DENND5B: variants seen among roughly 807,000 people sequenced by gnomAD.
DENND5B encodes the protein DENN domain-containing protein 5B.
A neutral mutation model predicts 140.6 loss-of-function variants in DENND5B; 34 were observed. That is an observed-to-expected ratio of 0.24 (90% CI 0.18 to 0.32). The LOEUF is 0.32. DENND5B is among the 10% of genes least tolerant of loss of function. The pLI is 1.00. For synonymous variants in DENND5B, 551 were observed against 562.1 expected (o/e 0.98, Z 0.28); for missense variants, 1,142 against 1,560.2 (o/e 0.73, Z 4.52).
chr12:31,443,012 A>G (rs1944106975), intron 6 of DENND5B, 87 bp from the exon 7 acceptor site: 1 of 1,266,274 alleles, frequency 7.9e-7, no homozygotes, highest in Non-Finnish European at 1.1e-6. Context: ...ACCTACAGAG[A>G]ACCCAATCAC....
At chr12:31,455,962 T>C (rs896383634) in intron 4 of DENND5B, among the ~76,000 whole-genome samples, 1 of 152,128 alleles carries the variant, frequency 6.6e-6, no homozygotes. Flanking sequence ...GAGGTTGCAG[T>C]GTGCCAAGAT....
chr12:31,545,950 CAAAAAAAAA>C (rs57460264), intron 1 of DENND5B, among the ~76,000 whole-genome samples: 3 of 36,384 alleles, frequency 8.2e-5, no homozygotes, highest in Admixed American at 4.4e-4. Flanking sequence ...GACACTGTCT[CAAAAAAAAA>C]AAAAAAAAAA....
intron 2 of DENND5B, among the ~76,000 whole-genome samples, chr12:31,482,925 G>T (rs557672509): frequency 3.6e-4 from 55 of 152,188 alleles, no homozygotes; most frequent in Non-Finnish European, 6.9e-4. Flanking sequence ...CCTTATAATG[G>T]CCTGCAGGGA....
intron 1 of DENND5B, among the ~76,000 whole-genome samples, chr12:31,585,750 TC>T (rs1950374745): frequency 6.6e-6 from 1 of 152,204 alleles, no homozygotes; most frequent in Non-Finnish European, 1.5e-5. Context: ...CAGATCATGG[TC>T]TCCACCGTCT....
intron 7 of DENND5B, among the ~76,000 whole-genome samples, chr12:31,434,432 T>G (rs1943649602): frequency 6.6e-6 from 1 of 152,192 alleles, no homozygotes; most frequent in Non-Finnish European, 1.5e-5. Context: ...CAAGGTGGTA[T>G]GGCCGAAGAT....
chr12:31,544,247 A>C (rs1948777697), intron 1 of DENND5B, among the ~76,000 whole-genome samples: 1 of 152,144 alleles, frequency 6.6e-6, no homozygotes, highest in South Asian at 2.1e-4. Flanking sequence ...ATTCATAAAA[A>C]TATTTTAGAA....
Position 31,415,393 on chromosome 12 carries a change from G to A in DENND5B, c.2526C>T (p.Leu842=), listed in dbSNP as rs1298735068. 4 of 1,610,418 alleles carry A rather than the reference G, an allele frequency of 2.5e-6. No homozygotes were observed. The highest frequency in any genetic ancestry group is 3.4e-6 in the Non-Finnish European group (4 of 1,178,234). ...TCATGTCCTGAATAAGAGAGACCCT[G>A]AGCGTTGGCAACATAACTCCTGAGT... ...KSDSGVMLPT[L]RVSLIQDMRH... Residue 842 remains leucine, a synonymous_variant, in exon 12 of 21, where the codon CTC becomes CTT. Transcript: ENST00000389082.
At chr12:31,469,348 AGAAG>A (rs1270160494) in intron 3 of DENND5B, among the ~76,000 whole-genome samples, 1 of 87,824 alleles carries the variant, frequency 1.1e-5, no homozygotes, top group African/African-American at 4.5e-5. Context: ...AAAAAAAAAA[AGAAG>A]AAGAAGAAGA....
intron 1 of DENND5B, among the ~76,000 whole-genome samples, chr12:31,515,230 A>G (rs570296053): frequency 1.2e-3 from 184 of 152,330 alleles, no homozygotes; most frequent in African/African-American, 4.2e-3. Context: ...ACATGAGCCC[A>G]TAAGTTCAAG....
At position 31,499,576 on chromosome 12, in the gene DENND5B, G is replaced by A. The variant is rs760432222; in HGVS notation, c.128-3657C>T. The A allele has an allele frequency of 1.8e-5, 26 of 1,456,396 alleles. No individual in the cohort carries two copies. The Middle Eastern group carries it at 1.4e-3, about 81-fold the overall frequency. 90.2% of individuals were successfully genotyped at this position (1,456,396 alleles called of 1,614,324 possible). ...TCAATTAAAATAATGATTTATAATA[G>A]CCCATCCTTGTTCTTAATTTTATTT... On this transcript the variant is annotated intron_variant, in intron 1 of 20. Coordinates refer to ENST00000389082, the MANE Select transcript of DENND5B (RefSeq NM_144973.4).
chr12:31,576,172 G>A (rs187343705), intron 1 of DENND5B, among the ~76,000 whole-genome samples: 27 of 148,734 alleles, frequency 1.8e-4, no homozygotes, highest in Admixed American at 1.5e-3. Flanking sequence ...GAATGAGGCC[G>A]CGCGCACAGG....
intron 1 of DENND5B, among the ~76,000 whole-genome samples, chr12:31,511,550 TTTA>T (rs1435654666): frequency 1.0e-4 from 11 of 106,962 alleles, no homozygotes; most frequent in African/African-American, 1.3e-4. Context: ...TTTTTTTTTT[TTTA>T]ACAGAGATAG....
intron 8 of DENND5B, chr12:31,432,272 A>C: frequency 4.7e-6 from 1 of 213,676 alleles, no homozygotes; most frequent in Non-Finnish European, 8.0e-6. Context: ...GGAAGGGAAG[A>C]AAATACAGTA....
At chr12:31,491,264 C>T (rs951852549) in intron 2 of DENND5B, among the ~76,000 whole-genome samples, 4 of 151,968 alleles carry the variant, frequency 2.6e-5, no homozygotes, top group African/African-American at 9.7e-5. Context: ...ACCAGCCTGG[C>T]CAACATAGGG....
At chr12:31,406,293 T>C (rs988044533) in intron 14 of DENND5B, among the ~76,000 whole-genome samples, 4 of 152,172 alleles carry the variant, frequency 2.6e-5, no homozygotes, top group Non-Finnish European at 4.4e-5. Context: ...TGCCTAGATA[T>C]AGCCTCACAA....
At chr12:31,407,223 C>T (rs1242879612) in intron 14 of DENND5B, among the ~76,000 whole-genome samples, 1 of 152,030 alleles carries the variant, frequency 6.6e-6, no homozygotes, top group African/African-American at 2.4e-5. Context: ...CTCCGCCTCC[C>T]GGGTTCAAGC....
intron 11 of DENND5B, 24 bp from the exon 12 acceptor site, chr12:31,415,472 A>G (rs1593105630): frequency 2.0e-6 from 3 of 1,537,366 alleles, no homozygotes; most frequent in Non-Finnish European, 8.9e-7. Flanking sequence ...TATCAACAAA[A>G]TATTAGAAAA....
At chr12:31,404,691 T>C (rs1470441359) in intron 14 of DENND5B, among the ~76,000 whole-genome samples, 3 of 149,220 alleles carry the variant, frequency 2.0e-5, no homozygotes, top group Admixed American at 6.7e-5. Context: ...TGAACTCAGG[T>C]GATCCACCGG....
intron 1 of DENND5B, among the ~76,000 whole-genome samples, chr12:31,587,359 G>C (rs751352995): frequency 2.0e-5 from 3 of 151,762 alleles, no homozygotes; most frequent in Non-Finnish European, 2.9e-5. Context: ...CAAAATCTTG[G>C]AGTCATCTTT....
Sources: gnomAD v4.1 joint callset for allele counts (sites outside exome capture counted in the v4.1 genomes callset) on GRCh38, gnomAD v4.1.1 for gene constraint, MANE v1.5 for transcripts, NCBI Gene and HGNC (gene_info 2026-07-23, HGNC 2026-07-21) for gene names.